The following MBD2 variants were observed in gnomAD, a reference collection of about 807,000 sequenced individuals.
MBD2 encodes the protein methyl-CpG binding domain protein 2, also known as methyl-CpG-binding domain protein 2.
In MBD2, 9 loss-of-function variants were observed where a neutral mutation model predicts 39.3. The ratio of observed to expected loss-of-function variants is 0.23; its 90% CI spans 0.14 to 0.40. The LOEUF (loss-of-function observed/expected upper bound fraction) is 0.40, where lower values mean the gene tolerates loss of function less well. MBD2 is among the 10% of genes least tolerant of loss of function. The pLI, the probability that MBD2 is intolerant of heterozygous loss-of-function variation, is 1.00. For synonymous variants in MBD2, 233 were observed against 211.1 expected (o/e 1.10, Z -0.90); for missense variants, 458 against 532.6 (o/e 0.86, Z 1.38).
At chr18:54,176,423 G>A (rs1219014080) in intron 3 of MBD2, among the ~76,000 whole-genome samples, 1 of 152,114 alleles carries the variant, frequency 6.6e-6, no homozygotes, top group African/African-American at 2.4e-5. Flanking sequence ...CTAATGTTAG[G>A]ATTCCATCAA....
chr18:54,160,038 G>A (rs1599073373), intron 5 of MBD2, 135 bp from the exon 6 acceptor site: 1 of 1,026,490 alleles, frequency 9.7e-7, no homozygotes, highest in Non-Finnish European at 1.4e-6. Context: ...GATTTTTGCA[G>A]AGGTTGCTTC....
Position 54,166,085 on chromosome 18 carries a change from C to G in MBD2, c.922G>C (p.Gly308Arg). 6.2e-7 allele frequency: 1 copy of G among 1,610,414 alleles called. No individual in the cohort carries two copies. The highest frequency in any genetic ancestry group is 8.5e-7 in the Non-Finnish European group (1 of 1,176,760). Residue 308 changes from glycine (G) to arginine (R), a missense_variant, in exon 4 of 7, where the codon GGT becomes CGT. Gly to Arg is a moderately radical substitution (Grantham distance 125, BLOSUM62 -2). Coordinates refer to ENST00000256429, the MANE Select transcript of MBD2 (RefSeq NM_003927.5). ...QIIKTMELPK[G>R]LQGVGPGSND... ...TGAACTTAGATAATACCTTGAAGAC[C>G]TTTGGGTAGTTCCATGGTTTTTATA... is the stretch of plus-strand genomic sequence containing the variant.
chr18:54,185,445 G>GTTCA (rs2144307121), intron 3 of MBD2, among the ~76,000 whole-genome samples: 1 of 152,258 alleles, frequency 6.6e-6, no homozygotes, highest in East Asian at 1.9e-4. Flanking sequence ...AGAAGTAATA[G>GTTCA]TTCAAAGATG....
Position 54,224,138 on chromosome 18 carries a change from G to C in MBD2, c.422C>G (p.Pro141Arg). ...SGSAGPGPRGPRATESGKRMD... is the reference protein window; with the variant it reads ...SGSAGPGPRGRRATESGKRMD... Reference sequence around the variant, plus strand: ...CCTCTTCCCGCTCTCCGTGGCCCGGGGTCCCCTGGGCCCCGGCCCCGCGCT... The same window carrying C: ...CCTCTTCCCGCTCTCCGTGGCCCGGCGTCCCCTGGGCCCCGGCCCCGCGCT... Residue 141 changes from proline (P) to arginine (R), a missense_variant, in exon 1 of 7, where the codon CCC becomes CGC. Physicochemically the swap from Pro to Arg is moderately radical, Grantham distance 103. Transcript: ENST00000256429. 6.5e-7 allele frequency: 1 copy of C among 1,546,276 alleles called. No homozygotes were observed. The highest frequency in any genetic ancestry group is 8.7e-7 in the Non-Finnish European group (1 of 1,152,632).
chr18:54,158,400 C>A (rs1048334351), intron 6 of MBD2, among the ~76,000 whole-genome samples: 1 of 152,144 alleles, frequency 6.6e-6, no homozygotes, highest in African/African-American at 2.4e-5. Context: ...TATTAGCACC[C>A]CATCCCTCCC....
chr18:54,204,948 T>C, intron 2 of MBD2, 50 bp downstream of exon 2: 3 of 1,560,118 alleles, frequency 1.9e-6, no homozygotes, highest in African/African-American at 1.4e-5. Flanking sequence ...GAGATACTTT[T>C]TGAAGAGCTT....
chr18:54,222,653 T>C (rs867887610), intron 1 of MBD2, among the ~76,000 whole-genome samples: 4 of 152,222 alleles, frequency 2.6e-5, no homozygotes, highest in Non-Finnish European at 2.9e-5. Flanking sequence ...CATTTTATCA[T>C]ATGAGGTTTC....
intron 1 of MBD2, among the ~76,000 whole-genome samples, chr18:54,219,886 C>T (rs888101816): frequency 6.6e-6 from 1 of 152,162 alleles, no homozygotes; most frequent in Non-Finnish European, 1.5e-5. Context: ...CTGCAAGCTC[C>T]GCCTCCTGGG....
At chr18:54,197,267 G>A (rs1045987171) in intron 2 of MBD2, among the ~76,000 whole-genome samples, 1 of 152,118 alleles carries the variant, frequency 6.6e-6, no homozygotes, top group Non-Finnish European at 1.5e-5. Context: ...CAAAGCAGTC[G>A]TATTTCCCCC....
chr18:54,167,569 G>A (rs777402846), intron 3 of MBD2, among the ~76,000 whole-genome samples: 10 of 152,168 alleles, frequency 6.6e-5, no homozygotes, highest in African/African-American at 9.7e-5. Flanking sequence ...CTTACATTCC[G>A]ACTTCTGGAT....
chr18:54,224,198 G>GCGCCGC lies in MBD2; in HGVS notation c.356_361dup (p.Gly119_Gly120dup). The GCGCCGC allele has an allele frequency of 8.3e-7, 1 of 1,206,274 alleles. No homozygotes were observed. The highest frequency in any genetic ancestry group is 1.0e-6 in the Non-Finnish European group (1 of 973,254). The allele number at this position is 1,206,274 out of a possible 1,614,324, so 74.7% of individuals were successfully genotyped here. A position where few individuals can be genotyped will look rare whatever the true frequency, so the allele number is the denominator to read the frequency against. ...GAAAGGGACCGGCTCCCGCCGGGGGGCGCCGCCGCCACCGCTGCCGCCGCC... is the reference window on the plus strand; with the variant it reads ...GAAAGGGACCGGCTCCCGCCGGGGGGCGCCGCCGCCGCCGCCACCGCTGCCGCCGCC... On this transcript the variant is annotated inframe_insertion, in exon 1 of 7. Coordinates refer to ENST00000256429, the MANE Select transcript of MBD2 (RefSeq NM_003927.5).
intron 1 of MBD2, among the ~76,000 whole-genome samples, chr18:54,223,799 C>A (rs2086634803): frequency 6.6e-6 from 1 of 152,138 alleles, no homozygotes; most frequent in Non-Finnish European, 1.5e-5. Flanking sequence ...CGACGCCTTC[C>A]ACATAAGATG....
chr18:54,192,257 G>C (rs749084230), intron 2 of MBD2, among the ~76,000 whole-genome samples: 8 of 152,240 alleles, frequency 5.3e-5, no homozygotes, highest in African/African-American at 1.9e-4. Context: ...TTCTTGAGAC[G>C]GAGTCTTGCT....
At chr18:54,176,731 T>G (rs1242786376) in intron 3 of MBD2, among the ~76,000 whole-genome samples, 1 of 152,182 alleles carries the variant, frequency 6.6e-6, no homozygotes, top group Non-Finnish European at 1.5e-5. Flanking sequence ...CCTGCAAACA[T>G]CAAAGATCAA....
chr18:54,188,174 A>G (rs1187059860), intron 3 of MBD2, among the ~76,000 whole-genome samples: 3 of 152,058 alleles, frequency 2.0e-5, no homozygotes, highest in South Asian at 2.1e-4. Flanking sequence ...TTCATGAACT[A>G]CCTAGGCTTT....
At chr18:54,179,819 A>G (rs2086237149) in intron 3 of MBD2, among the ~76,000 whole-genome samples, 2 of 152,202 alleles carry the variant, frequency 1.3e-5, no homozygotes, top group South Asian at 4.1e-4. Flanking sequence ...GACATCACGA[A>G]TGAGACTAGA....
intron 3 of MBD2, chr18:54,187,882 T>C (rs974172410): frequency 1.1e-4 from 113 of 984,704 alleles, no homozygotes; most frequent in Non-Finnish European, 1.3e-4. Flanking sequence ...ACTGAATTTC[T>C]TTATGTAGTT....
intron 5 of MBD2, among the ~76,000 whole-genome samples, chr18:54,160,295 T>C (rs1010692315): frequency 3.3e-5 from 5 of 152,156 alleles, no homozygotes; most frequent in Non-Finnish European, 7.3e-5. Context: ...GACTTGTTCA[T>C]AGAAGCACTG....
intron 1 of MBD2, among the ~76,000 whole-genome samples, chr18:54,221,736 T>G (rs964350706): frequency 5.9e-5 from 9 of 152,114 alleles, no homozygotes; most frequent in African/African-American, 1.7e-4. Flanking sequence ...ACCACTGCAC[T>G]CCAGCCTGGG....
Sources: gnomAD v4.1 joint callset for allele counts (sites outside exome capture counted in the v4.1 genomes callset) on GRCh38, gnomAD v4.1.1 for gene constraint, MANE v1.5 for transcripts, NCBI Gene and HGNC (gene_info 2026-07-23, HGNC 2026-07-21) for gene names.